MEGF9: variants seen among roughly 807,000 people sequenced by gnomAD.
MEGF9 encodes multiple EGF like domains 9.
Under a neutral mutation model 46.8 loss-of-function variants are expected in MEGF9, and 6 were observed. The observed-to-expected ratio is 0.13, with a 90% CI of 0.07 to 0.25. The LOEUF is 0.25. Ranked by LOEUF, MEGF9 falls within the 10% of genes least tolerant of loss-of-function variation. The probability of loss-of-function intolerance (pLI) is 1.00; values close to 1 mark genes in which losing one functional copy is unlikely to be tolerated. For missense variants in MEGF9, 683 were observed against 792.4 expected (o/e 0.86, Z 1.66); for synonymous variants, 302 against 330.7 (o/e 0.91, Z 0.94).
intron 1 of MEGF9, among the ~76,000 whole-genome samples, chr9:120,666,472 C>T (rs2043725541): frequency 1.3e-5 from 2 of 152,070 alleles, no homozygotes; most frequent in Non-Finnish European, 2.9e-5. Context: ...ATTTGAATGG[C>T]TAAAATACAC....
At chr9:120,612,993 C>T (rs1372570537) in intron 3 of MEGF9, among the ~76,000 whole-genome samples, 1 of 148,988 alleles carries the variant, frequency 6.7e-6, no homozygotes, top group East Asian at 2.0e-4. Context: ...CATGCCATTA[C>T]ACCCGGCTAA....
rs1554794918 is a variant in MEGF9, at chr9:120,622,434, T to TTTTTA, written c.943+181_943+182insTAAAA. On this transcript the variant is annotated intron_variant, in intron 3 of 5. Transcript: ENST00000373930. ...GTATATGACTTTTTTTTTTTTTTTTTAATTTACGTACTTTTTCAAGTTTGT... is the reference window on the plus strand; with the variant it reads ...GTATATGACTTTTTTTTTTTTTTTTTTTTTAAATTTACGTACTTTTTCAAGTTTGT... Among the ~76,000 whole-genome samples, 47 of 148,174 alleles carry TTTTTA rather than the reference T, an allele frequency of 3.2e-4. 1 individual carries two copies. The highest frequency in any genetic ancestry group is 1.1e-3 in the African/African-American group (45 of 39,622).
intron 1 of MEGF9, chr9:120,691,403 T>C (rs368563071): frequency 8.4e-6 from 4 of 478,018 alleles, no homozygotes; most frequent in African/African-American, 6.0e-5. Flanking sequence ...TTTTTAAGTA[T>C]CTTTACGTTA....
Position 120,605,739 on chromosome 9 carries a change from A to G in MEGF9, c.1358-98T>C. The G allele has an allele frequency of 1.2e-6, 1 of 839,678 alleles. No homozygotes were observed. The highest frequency in any genetic ancestry group is 1.8e-5 in the South Asian group (1 of 54,796). 52.0% of individuals were successfully genotyped at this position (839,678 alleles called of 1,614,324 possible). ...GCATGGGAGTGAATGTTGATGTAGGATGTTAACATGATATTCTGCTTTAAG... is the reference window on the plus strand; with the variant it reads ...GCATGGGAGTGAATGTTGATGTAGGGTGTTAACATGATATTCTGCTTTAAG... On this transcript the variant is annotated intron_variant, in intron 5 of 5. Transcript: ENST00000373930. The surrounding 1 kb of genome is among the most constrained non-coding windows in gnomAD (Gnocchi z 4.0).
At chr9:120,606,170 CAAA>C (rs533329431) in intron 5 of MEGF9, among the ~76,000 whole-genome samples, 68 of 65,984 alleles carry the variant, frequency 1.0e-3, no homozygotes, top group African/African-American at 2.4e-3. Context: ...GACTCTGTCT[CAAA>C]AAAAAAAAAA....
At chr9:120,647,975 A>G (rs1341114385) in intron 2 of MEGF9, among the ~76,000 whole-genome samples, 1 of 152,132 alleles carries the variant, frequency 6.6e-6, no homozygotes, top group East Asian at 1.9e-4. Flanking sequence ...TTAGTACTGT[A>G]TATTTTATCT....
intron 2 of MEGF9, among the ~76,000 whole-genome samples, chr9:120,656,640 C>G (rs2043678740): frequency 6.6e-6 from 1 of 151,634 alleles, no homozygotes; most frequent in African/African-American, 2.4e-5. Context: ...AATAATGGTT[C>G]CCATAATTAT....
chr9:120,617,080 G>A (rs768022417), intron 3 of MEGF9, among the ~76,000 whole-genome samples: 1 of 152,102 alleles, frequency 6.6e-6, no homozygotes, highest in Non-Finnish European at 1.5e-5. Context: ...TAACAATACT[G>A]CCCTAAAACT....
chr9:120,636,477 G>A (rs2043574934), intron 2 of MEGF9, among the ~76,000 whole-genome samples: 1 of 152,124 alleles, frequency 6.6e-6, no homozygotes, highest in Non-Finnish European at 1.5e-5. Flanking sequence ...CTCAAAAAGA[G>A]TACTGCTTAA....
At chr9:120,665,821 A>G (rs2043722421) in intron 1 of MEGF9, among the ~76,000 whole-genome samples, 1 of 151,970 alleles carries the variant, frequency 6.6e-6, no homozygotes, top group South Asian at 2.1e-4. Context: ...ATAGATATCC[A>G]TTTTTCCCAG....
intron 3 of MEGF9, among the ~76,000 whole-genome samples, chr9:120,617,657 T>C (rs1275393115): frequency 6.6e-6 from 1 of 152,186 alleles, no homozygotes; most frequent in East Asian, 1.9e-4. Flanking sequence ...TTTAAAAAGA[T>C]TGCTCTGGTT....
rs1351930367 is a variant in MEGF9 at position 120,603,625 on chromosome 9, A to T, written c.*1565T>A. ...TCACAGTTCACTGTTCCTCCTAATA[A>T]GTTATATTTAACATCTGACCACCTT... is the stretch of plus-strand genomic sequence containing the variant. On this transcript the variant is annotated 3_prime_UTR_variant, in exon 6 of 6. Coordinates refer to ENST00000373930, the MANE Select transcript of MEGF9 (RefSeq NM_001080497.3). The T allele has an allele frequency of 6.6e-6, 1 of 152,170 alleles. No individual in the cohort carries two copies. The highest frequency in any genetic ancestry group is 1.5e-5 in the Non-Finnish European group (1 of 68,030). The allele number at this position is 152,170 out of a possible 1,614,324, so 9.4% of individuals were successfully genotyped here.
Position 120,605,777 on chromosome 9 carries a change from A to C in MEGF9, c.1358-136T>G. The C allele has an allele frequency of 1.5e-6, 1 of 682,816 alleles. No homozygotes were observed. 42.3% of individuals were successfully genotyped at this position (682,816 alleles called of 1,614,324 possible). ...ATTCTGCTTTAAGGTAATGCAAGTT[A>C]AAAATAATGTTTAAAGAAATATAGT... is the stretch of plus-strand genomic sequence containing the variant. On this transcript the variant is annotated intron_variant, in intron 5 of 5. Transcript: ENST00000373930. The surrounding 1 kb of genome is among the most constrained non-coding windows in gnomAD (Gnocchi z 4.0).
At chr9:120,639,698 C>T (rs2043593806) in intron 2 of MEGF9, among the ~76,000 whole-genome samples, 1 of 152,038 alleles carries the variant, frequency 6.6e-6, no homozygotes, top group African/African-American at 2.4e-5. Flanking sequence ...GTGGTAAGCA[C>T]ATATATAGAA....
intron 2 of MEGF9, among the ~76,000 whole-genome samples, chr9:120,653,429 T>C (rs1331394626): frequency 6.6e-6 from 1 of 151,572 alleles, no homozygotes; most frequent in Non-Finnish European, 1.5e-5. Context: ...TGGAGTGTAA[T>C]AGTGCTATGT....
At chr9:120,698,769 C>G (rs2043890144) in intron 1 of MEGF9, among the ~76,000 whole-genome samples, 1 of 152,186 alleles carries the variant, frequency 6.6e-6, no homozygotes, top group Non-Finnish European at 1.5e-5. Context: ...TTAATCCCCT[C>G]TCAATAACAC....
intron 1 of MEGF9, among the ~76,000 whole-genome samples, chr9:120,668,421 A>G (rs1013887090): frequency 5.3e-5 from 8 of 152,244 alleles, no homozygotes; most frequent in African/African-American, 1.7e-4. Flanking sequence ...GAAAATAAAA[A>G]TGTATCAATT....
chr9:120,661,888 C>A lies in MEGF9; in HGVS notation c.602-2313G>T, dbSNP rs116615717. Among the ~76,000 whole-genome samples, 528 of 152,282 alleles carry A rather than the reference C, an allele frequency of 3.5e-3. 6 individuals are homozygous for A. The highest frequency in any genetic ancestry group is 0.012 in the African/African-American group (505 of 41,558). On this transcript the variant is annotated intron_variant, in intron 1 of 5. Transcript: ENST00000373930. ...ACACTTAACATTTTTCTTCTGAAAT[C>A]GGGCAGAAATTCAAATTACATCCAA...
Position 120,614,017 on chromosome 9 carries a change from A to AT in MEGF9, c.944-1479dup, listed in dbSNP as rs5900454. On this transcript the variant is annotated intron_variant, in intron 3 of 5. Coordinates refer to ENST00000373930, the MANE Select transcript of MEGF9 (RefSeq NM_001080497.3). ...ATCAACCTACATGTTAAAAAGCTCA[A>AT]TTTTTTTTTTTTTTCTTTTGAGACG... is the stretch of plus-strand genomic sequence containing the variant. Among the ~76,000 whole-genome samples, 1,436 of 147,334 alleles carry AT rather than the reference A, an allele frequency of 9.7e-3. 14 individuals carry two copies. The highest frequency in any genetic ancestry group is 0.014 in the African/African-American group (572 of 40,160).
Sources: allele counts gnomAD v4.1 joint callset (sites outside exome capture counted in the v4.1 genomes callset), GRCh38; gene constraint gnomAD v4.1.1; non-coding constraint Gnocchi (gnomAD v3.1); transcripts MANE v1.5; gene names NCBI Gene and HGNC (gene_info 2026-07-23, HGNC 2026-07-21).